The following SGCZ variants were observed in gnomAD, a reference collection of about 807,000 sequenced individuals.
SGCZ encodes the protein zeta-sarcoglycan.
Under a neutral mutation model 41.3 loss-of-function variants are expected in SGCZ, and 40 were observed. That is an observed-to-expected ratio of 0.97 (90% CI 0.75 to 1.26). The LOEUF is 1.26. Among genes scored for constraint, SGCZ ranks in the 50% most tolerant of loss-of-function variants. The pLI is 0.00. For missense variants in SGCZ, 552 were observed against 369.8 expected, an observed-to-expected ratio of 1.49 and a Z score of -4.04; for synonymous variants, 206 against 137.5, an observed-to-expected ratio of 1.50 and a Z score of -3.49.
At position 15,080,117 on chromosome 8, in the gene SGCZ, T is replaced by C. The variant is rs371531530; in HGVS notation, c.39+157468A>G. 2.4e-4 allele frequency among the ~76,000 whole-genome samples: 37 copies of C among 152,334 alleles called. No homozygotes were observed. In the East Asian group the frequency reaches 4.2e-3, roughly 17 times the overall value. On this transcript the variant is annotated intron_variant, in intron 1 of 7. Transcript: ENST00000382080. ...AAAGACCCATTTTCAATTATTTATT[T>C]GATTCCTGGACGAGATATTTGCAGT...
At chr8:14,344,939 A>C (rs1183100908) in intron 2 of SGCZ, among the ~76,000 whole-genome samples, 1 of 152,106 alleles carries the variant, frequency 6.6e-6, no homozygotes, top group East Asian at 1.9e-4. Context: ...CGATACAACT[A>C]ATTTAGGGCA....
intron 1 of SGCZ, among the ~76,000 whole-genome samples, chr8:14,846,701 TCCAAAAAAAAAA>T (rs1474908155): frequency 9.8e-5 from 10 of 102,074 alleles, no homozygotes; most frequent in African/African-American, 4.2e-4. Context: ...ACCCTTTAAA[TCCAAAAAAAAAA>T]AAAAAAAAAA....
chr8:14,486,694 T>C (rs1801686178), intron 2 of SGCZ, among the ~76,000 whole-genome samples: 2 of 152,150 alleles, frequency 1.3e-5, no homozygotes, highest in Non-Finnish European at 2.9e-5. Flanking sequence ...CGCCTCAGCC[T>C]TCCAAGTAGC....
At chr8:14,910,975 A>G (rs915802702) in intron 1 of SGCZ, among the ~76,000 whole-genome samples, 2 of 152,004 alleles carry the variant, frequency 1.3e-5, no homozygotes, top group African/African-American at 4.8e-5. Flanking sequence ...TCACACTTCT[A>G]ACAATCATAT....
chr8:14,516,445 C>G (rs1802623210), intron 2 of SGCZ, among the ~76,000 whole-genome samples: 1 of 151,948 alleles, frequency 6.6e-6, no homozygotes, highest in South Asian at 2.1e-4. Context: ...ACACATTTAT[C>G]AATTTAATAG....
intron 1 of SGCZ, among the ~76,000 whole-genome samples, chr8:14,690,946 G>C (rs770543741): frequency 2.7e-4 from 41 of 152,136 alleles, no homozygotes; most frequent in Admixed American, 1.4e-3. Context: ...CAGTATTTCA[G>C]ATTATAAAGT....
chr8:14,902,399 C>A (rs1287952083), intron 1 of SGCZ, among the ~76,000 whole-genome samples: 1 of 152,144 alleles, frequency 6.6e-6, no homozygotes, highest in Non-Finnish European at 1.5e-5. Context: ...CTTGCATTAT[C>A]CAATGCCTCT....
At chr8:15,212,737 A>G (rs1408117595) in intron 1 of SGCZ, among the ~76,000 whole-genome samples, 2 of 151,708 alleles carry the variant, frequency 1.3e-5, no homozygotes, top group African/African-American at 4.8e-5. Context: ...TTGACTGGTA[A>G]ATCTACACAG....
At chr8:15,144,407 C>T (rs929519487) in intron 1 of SGCZ, among the ~76,000 whole-genome samples, 2 of 151,874 alleles carry the variant, frequency 1.3e-5, no homozygotes, top group Non-Finnish European at 2.9e-5. Flanking sequence ...TTAATGAAGG[C>T]TTTTCATGCA....
At chr8:14,265,970 G>T (rs1302252946) in intron 3 of SGCZ, among the ~76,000 whole-genome samples, 2 of 151,834 alleles carry the variant, frequency 1.3e-5, no homozygotes, top group African/African-American at 4.8e-5. Flanking sequence ...AAGTCTAGAG[G>T]AATTATGGGA....
At chr8:14,971,179 C>T (rs1037511651) in intron 1 of SGCZ, among the ~76,000 whole-genome samples, 7 of 152,042 alleles carry the variant, frequency 4.6e-5, no homozygotes, top group African/African-American at 1.7e-4. Flanking sequence ...TCTGATTGCC[C>T]ACATGAACAG....
intron 2 of SGCZ, among the ~76,000 whole-genome samples, chr8:14,529,303 A>G (rs565517738): frequency 1.3e-5 from 2 of 152,266 alleles, no homozygotes; most frequent in East Asian, 3.9e-4. Context: ...TCATTCCAGC[A>G]CACCTGCTTG....
intron 2 of SGCZ, among the ~76,000 whole-genome samples, chr8:14,386,975 T>G (rs1804599935): frequency 6.6e-6 from 1 of 152,186 alleles, no homozygotes; most frequent in South Asian, 2.1e-4. Context: ...AGAATCTAGT[T>G]TTGTTGAAAG....
intron 1 of SGCZ, among the ~76,000 whole-genome samples, chr8:14,998,064 G>T (rs536606532): frequency 6.6e-6 from 1 of 152,254 alleles, no homozygotes; most frequent in African/African-American, 2.4e-5. Context: ...ACATTAAGAA[G>T]ATTCAACTAC....
At chr8:15,059,814 C>T (rs985190168) in intron 1 of SGCZ, among the ~76,000 whole-genome samples, 1 of 152,160 alleles carries the variant, frequency 6.6e-6, no homozygotes, top group African/African-American at 2.4e-5. Flanking sequence ...CCAAGAACTC[C>T]CGGTTAATGC....
intron 3 of SGCZ, among the ~76,000 whole-genome samples, chr8:14,306,949 C>A (rs548563234): frequency 2.0e-5 from 3 of 152,254 alleles, no homozygotes; most frequent in African/African-American, 7.2e-5. Context: ...TAATTCACTT[C>A]ACAAATAGTT....
intron 1 of SGCZ, among the ~76,000 whole-genome samples, chr8:14,888,938 A>G (rs1563341305): frequency 6.6e-6 from 1 of 152,170 alleles, no homozygotes; most frequent in African/African-American, 2.4e-5. Context: ...AACTTGGTGC[A>G]TATTTCAAAT....
chr8:14,512,085 C>A (rs2117077604), intron 2 of SGCZ, among the ~76,000 whole-genome samples: 1 of 152,172 alleles, frequency 6.6e-6, no homozygotes, highest in Non-Finnish European at 1.5e-5. Context: ...TAACTGACAC[C>A]ATGAAAACTA....
At chr8:14,123,496 A>G (rs974419688) in intron 5 of SGCZ, among the ~76,000 whole-genome samples, 1 of 152,158 alleles carries the variant, frequency 6.6e-6, no homozygotes, top group Admixed American at 6.6e-5. Context: ...ATTCTTAAAT[A>G]TCATCCATCC....
Sources: allele counts gnomAD v4.1 joint callset (sites outside exome capture counted in the v4.1 genomes callset), GRCh38; gene constraint gnomAD v4.1.1; transcripts MANE v1.5; gene names NCBI Gene and HGNC (gene_info 2026-07-23, HGNC 2026-07-21).